Variants in SLC30A8 observed in about 807,000 individuals in gnomAD.
SLC30A8 encodes the protein solute carrier family 30 member 8.
SLC30A8 carries 27 observed loss-of-function variants against 36.9 expected under a neutral mutation model. That is an observed-to-expected ratio of 0.73 (90% confidence interval 0.54 to 1.01). The LOEUF is 1.01. SLC30A8 is among the 50% of genes least tolerant of loss of function. The pLI, the probability that SLC30A8 is intolerant of heterozygous loss-of-function variation, is 0.00. For synonymous variants in SLC30A8, 164 were observed against 172.4 expected (o/e 0.95, Z 0.38); for missense variants, 439 against 452.0 (o/e 0.97, Z 0.26).
At chr8:117,050,722 G>T (rs569027635) in intron 2 of SLC30A8, among the ~76,000 whole-genome samples, 1 of 152,188 alleles carries the variant, frequency 6.6e-6, no homozygotes, top group Non-Finnish European at 1.5e-5. Context: ...TTTTTTACTA[G>T]AGGAATTAAC....
At chr8:116,960,822 C>T (rs1440776338) in intron 1 of SLC30A8, among the ~76,000 whole-genome samples, 1 of 152,160 alleles carries the variant, frequency 6.6e-6, no homozygotes, top group East Asian at 1.9e-4. Flanking sequence ...ACATCTTTAA[C>T]AAGACTGTAA....
At chr8:117,120,008 A>G (rs946129849) in intron 2 of SLC30A8, among the ~76,000 whole-genome samples, 9 of 152,104 alleles carry the variant, frequency 5.9e-5, no homozygotes, top group Admixed American at 5.9e-4. Context: ...GTGCTCATAA[A>G]TTGGAAGACT....
chr8:117,076,053 TTCTC>T (rs558770507), intron 2 of SLC30A8, among the ~76,000 whole-genome samples: 4 of 152,210 alleles, frequency 2.6e-5, no homozygotes, highest in Non-Finnish European at 5.9e-5. Context: ...CTCTCTTCTT[TTCTC>T]TCTTTCTTTG....
intron 1 of SLC30A8, chr8:117,018,053 TG>T (rs1196255687): frequency 1.3e-5 from 2 of 152,176 alleles, no homozygotes; most frequent in African/African-American, 4.8e-5. Flanking sequence ...CTATGCTGAT[TG>T]GGGTCCACAC....
chr8:117,038,661 T>C (rs958635781), intron 1 of SLC30A8, among the ~76,000 whole-genome samples: 3 of 152,190 alleles, frequency 2.0e-5, no homozygotes, highest in African/African-American at 7.2e-5. Flanking sequence ...TGTTAAAAGG[T>C]ATATGAATTT....
chr8:117,044,203 C>T (rs759790314), intron 2 of SLC30A8, among the ~76,000 whole-genome samples: 2 of 152,030 alleles, frequency 1.3e-5, no homozygotes, highest in Admixed American at 6.6e-5. Context: ...GAGGGGTATC[C>T]GCGTACACAA....
intron 2 of SLC30A8, among the ~76,000 whole-genome samples, chr8:117,066,244 C>A (rs566973160): frequency 6.6e-6 from 1 of 152,190 alleles, no homozygotes; most frequent in Non-Finnish European, 1.5e-5. Flanking sequence ...TGGTCCTGGG[C>A]AGCAAGCAAG....
chr8:117,156,560 T>C (rs188725702), intron 3 of SLC30A8, among the ~76,000 whole-genome samples: 20 of 152,340 alleles, frequency 1.3e-4, no homozygotes, highest in Non-Finnish European at 2.2e-4. Flanking sequence ...TGCATCAGCA[T>C]TTCCCATAGT....
intron 1 of SLC30A8, among the ~76,000 whole-genome samples, chr8:117,010,123 G>A (rs72685385): frequency 4.1e-4 from 63 of 152,226 alleles, no homozygotes; most frequent in Non-Finnish European, 4.3e-4. Context: ...ATTAGAATTA[G>A]GCAGGGGAAG....
At chr8:117,141,366 A>G (rs1170681230) in intron 1 of SLC30A8, among the ~76,000 whole-genome samples, 1 of 152,192 alleles carries the variant, frequency 6.6e-6, no homozygotes, top group Non-Finnish European at 1.5e-5. Context: ...TTAATTTAAC[A>G]TCTGAAATAC....
rs186420969 is a variant in SLC30A8, at chr8:117,111,283, G to T, written c.-225-23997G>T. Among the ~76,000 whole-genome samples the T allele has an allele frequency of 2.5e-3, 384 of 152,274 alleles. 6 individuals are homozygous for T. Among genetic ancestry groups the T allele is most frequent in the African/African-American group, 8.7e-3 (361 of 41,578 alleles). On this transcript the variant is annotated intron_variant, in intron 2 of 10. Coordinates refer to the SLC30A8 transcript ENST00000427715. ...TATAAGAAAAGATAGGTAGCTTGTT[G>T]TCAAAAGTGGTGTTCAGGTTAGGAA...
chr8:117,172,582 C>T lies in SLC30A8; in HGVS notation c.1011C>T (p.Ala337=), dbSNP rs753685821. 2.5e-6 allele frequency: 4 copies of T among 1,613,702 alleles called. No homozygotes were observed. Among genetic ancestry groups the T allele is most frequent in the Middle Eastern group, 1.7e-4 (1 of 6,054 alleles). The change falls in exon 8 of 8, where the codon GCC becomes GCT. Residue 337 remains alanine (A), a synonymous_variant. Coordinates refer to ENST00000456015, the MANE Select transcript of SLC30A8 (RefSeq NM_173851.3). ...SQVVRREIAK[A]LSKSFTMHSL... ...TGGTTCGGAGAGAAATTGCTAAAGC[C>T]CTTAGCAAAAGCTTTACGATGCACT...
At chr8:117,152,354 T>C (rs1464826328) in intron 2 of SLC30A8, among the ~76,000 whole-genome samples, 2 of 152,192 alleles carry the variant, frequency 1.3e-5, no homozygotes, top group Non-Finnish European at 1.5e-5. Context: ...TGCATCCCTA[T>C]GCTTTATTGG....
intron 1 of SLC30A8, among the ~76,000 whole-genome samples, chr8:116,960,975 ATAT>A (rs920358341): frequency 1.6e-4 from 25 of 152,238 alleles, no homozygotes; most frequent in African/African-American, 5.3e-4. Context: ...GATCTCTGTA[ATAT>A]TATTAGTACA....
At chr8:117,147,427 A>G in intron 2 of SLC30A8, 3 of 373,216 alleles carry the variant, frequency 8.0e-6, no homozygotes, top group Non-Finnish European at 1.5e-5. Context: ...TTTAAACATA[A>G]CTGAGAGCAT....
chr8:117,054,957 A>G (rs1817825148), intron 2 of SLC30A8, among the ~76,000 whole-genome samples: 1 of 152,190 alleles, frequency 6.6e-6, no homozygotes, highest in Non-Finnish European at 1.5e-5. Flanking sequence ...TTTCTAGTGT[A>G]AAAAGGGCAG....
chr8:117,138,457 C>CTAA (rs1821474254), intron 1 of SLC30A8, among the ~76,000 whole-genome samples: 1 of 152,024 alleles, frequency 6.6e-6, no homozygotes, highest in Non-Finnish European at 1.5e-5. Context: ...GAGCTCAACT[C>CTAA]TGAGTGGATG....
rs147408300 is a variant in SLC30A8 at position 117,026,898 on chromosome 8, A to T, written c.-265-12321A>T. ...TTAGGTGAGTGACTAATCTGAGGTC[A>T]CATAGCTGGTGGGGTAGCAGAGCTT... On this transcript the variant is annotated intron_variant, in intron 1 of 10. Transcript: ENST00000427715. Among the ~76,000 whole-genome samples, 483 of 152,308 alleles carry T rather than the reference A, an allele frequency of 3.2e-3. 5 individuals are homozygous for T. Among genetic ancestry groups the T allele is most frequent in the African/African-American group, 0.011 (439 of 41,568 alleles).
chr8:117,103,548 C>T (rs1185224427), intron 2 of SLC30A8, among the ~76,000 whole-genome samples: 5 of 152,164 alleles, frequency 3.3e-5, no homozygotes, highest in South Asian at 4.1e-4. Flanking sequence ...GATCTTGGCT[C>T]ACTGCAACCT....
Sources: allele counts gnomAD v4.1 joint callset (sites outside exome capture counted in the v4.1 genomes callset), GRCh38; gene constraint gnomAD v4.1.1; transcripts MANE v1.5; gene names NCBI Gene and HGNC (gene_info 2026-07-23, HGNC 2026-07-21).